Variants in TDP1 observed in about 807,000 individuals in gnomAD.
TDP1 encodes the protein tyr-DNA phosphodiesterase 1.
TDP1 carries 64 observed loss-of-function variants against 81.5 expected under a neutral mutation model. The observed-to-expected ratio is 0.79, with a 90% CI of 0.64 to 0.97. The LOEUF (loss-of-function observed/expected upper bound fraction) is 0.97, where lower values mean the gene tolerates loss of function less well. TDP1 is among the 50% of genes least tolerant of loss of function. The pLI is 0.00. For missense variants in TDP1, 723 were observed against 743.8 expected (o/e 0.97, Z 0.33); for synonymous variants, 256 against 264.3 (o/e 0.97, Z 0.30).
chr14:89,989,540 C>T, intron 11 of TDP1, 177 bp from the exon 12 acceptor site: 3 of 719,840 alleles, frequency 4.2e-6, no homozygotes, highest in Non-Finnish European at 5.1e-6. Flanking sequence ...AAATATGGTT[C>T]CTGTTGTTTA....
intron 14 of TDP1, among the ~76,000 whole-genome samples, chr14:90,007,854 C>T (rs1183463056): frequency 5.3e-5 from 8 of 152,176 alleles, no homozygotes; most frequent in Non-Finnish European, 8.8e-5. Context: ...ACCTCAGCCT[C>T]CCAAAATACT....
intron 14 of TDP1, among the ~76,000 whole-genome samples, chr14:90,001,764 T>C (rs1318873520): frequency 6.6e-6 from 1 of 152,238 alleles, no homozygotes; most frequent in Non-Finnish European, 1.5e-5. Context: ...AAACTTTTTC[T>C]AGCTCAGCAG....
At chr14:89,983,656 CTTGT>C (rs1895245463) in intron 8 of TDP1, among the ~76,000 whole-genome samples, 1 of 152,178 alleles carries the variant, frequency 6.6e-6, no homozygotes, top group Non-Finnish European at 1.5e-5. Flanking sequence ...GTGAGGCAGC[CTTGT>C]TAACCCCACT....
intron 15 of TDP1, among the ~76,000 whole-genome samples, chr14:90,020,563 CTCCCTCCCT>C (rs1260929117): frequency 5.5e-4 from 10 of 18,288 alleles, no homozygotes; most frequent in African/African-American, 3.0e-3. Context: ...CCTTCCCTCC[CTCCCTCCCT>C]TCCTTCCTTC....
intron 15 of TDP1, among the ~76,000 whole-genome samples, chr14:90,031,127 C>CT (rs879587539): frequency 4.0e-5 from 6 of 150,550 alleles, no homozygotes; most frequent in Admixed American, 4.0e-4. Flanking sequence ...TATTATTATA[C>CT]TTTAAGTTTT....
intron 14 of TDP1, among the ~76,000 whole-genome samples, chr14:90,016,980 G>A (rs867429203): frequency 2.5e-4 from 38 of 152,280 alleles, no homozygotes; most frequent in African/African-American, 8.9e-4. Flanking sequence ...CAGCACTTGG[G>A]AGAGAAAGCA....
intron 7 of TDP1, among the ~76,000 whole-genome samples, chr14:89,976,463 G>A (rs1045699014): frequency 2.1e-5 from 3 of 141,778 alleles, no homozygotes; most frequent in Admixed American, 1.4e-4. Context: ...TATTTCCTTT[G>A]GTCCATTCAC....
At chr14:89,988,538 T>C (rs1895823901) in intron 10 of TDP1, 1 of 949,114 alleles carries the variant, frequency 1.1e-6, no homozygotes. Flanking sequence ...TTTCATAGCA[T>C]CAAAGCTGCA....
intron 13 of TDP1, chr14:89,992,960 C>T (rs1026284489): frequency 4.0e-5 from 39 of 983,490 alleles, no homozygotes; most frequent in Non-Finnish European, 4.3e-5. Context: ...TGTATTTTGC[C>T]TTTTTTGTAT....
rs569991797 is a variant in TDP1 at position 89,997,555 on chromosome 14, A to G, written c.1541+4072A>G. 3.2e-4 allele frequency among the ~76,000 whole-genome samples: 49 copies of G among 152,332 alleles called. 1 individual carries two copies. Among genetic ancestry groups the G allele is most frequent in the African/African-American group, 4.3e-4 (18 of 41,564 alleles). ...ATGAACTTAAAAGTTTGGTGTACAT[A>G]TAGTATGTTTTGGAGTTTTGGTTAG... is the stretch of plus-strand genomic sequence containing the variant. On this transcript the variant is annotated intron_variant, in intron 14 of 16. Coordinates refer to ENST00000335725, the MANE Select transcript of TDP1 (RefSeq NM_018319.4).
At chr14:90,002,556 CATATAAAAT>C (rs1897272024) in intron 14 of TDP1, among the ~76,000 whole-genome samples, 1 of 152,026 alleles carries the variant, frequency 6.6e-6, no homozygotes, top group Non-Finnish European at 1.5e-5. Context: ...GTAACACATC[CATATAAAAT>C]ATATGACCTT....
chr14:89,988,068 G>A (rs1181899219), intron 10 of TDP1, among the ~76,000 whole-genome samples: 1 of 152,040 alleles, frequency 6.6e-6, no homozygotes. Flanking sequence ...GCTGAACTCA[G>A]GGAAACACTT....
rs185297590 is a variant in TDP1, at chr14:89,998,396, A to G, written c.1541+4913A>G. Among the ~76,000 whole-genome samples the G allele has an allele frequency of 3.8e-3, 433 of 112,724 alleles. 26 individuals are homozygous for G. Among genetic ancestry groups the G allele is most frequent in the African/African-American group, 0.02 (401 of 20,010 alleles). 74.0% of individuals were successfully genotyped at this position (112,724 alleles called of 152,430 possible). Reference sequence around the variant, plus strand: ...ATTATATATATATATATATATATATATATATATATATATATATATATATAT... The same window carrying G: ...ATTATATATATATATATATATATATGTATATATATATATATATATATATAT... On this transcript the variant is annotated intron_variant, in intron 14 of 16. Transcript: ENST00000335725.
rs563919160 is a variant in TDP1, at chr14:90,026,122, T to G, written c.1644+6704T>G. Reference sequence around the variant, plus strand: ...TCTCTTTTCTCTGTTCTGTTTAAATTTTTTCATTGTAAACATGGTGTGTAC... The same window carrying G: ...TCTCTTTTCTCTGTTCTGTTTAAATGTTTTCATTGTAAACATGGTGTGTAC... On this transcript the variant is annotated intron_variant, in intron 15 of 16. Transcript: ENST00000335725. Among the ~76,000 whole-genome samples the G allele has an allele frequency of 6.6e-4, 100 of 152,356 alleles. 1 individual carries two copies. Among genetic ancestry groups the G allele is most frequent in the African/African-American group, 1.6e-3 (68 of 41,586 alleles).
intron 13 of TDP1, among the ~76,000 whole-genome samples, chr14:89,992,247 T>A (rs1896275540): frequency 6.6e-6 from 1 of 152,184 alleles, no homozygotes; most frequent in African/African-American, 2.4e-5. Flanking sequence ...GAAGATCATG[T>A]TGGGTAGTTT....
At chr14:90,021,317 T>G (rs926239681) in intron 15 of TDP1, among the ~76,000 whole-genome samples, 2 of 152,214 alleles carry the variant, frequency 1.3e-5, no homozygotes, top group African/African-American at 4.8e-5. Flanking sequence ...TGGGAAACAA[T>G]GAAGTCACAT....
chr14:90,038,905 T>TTG, intron 16 of TDP1, among the ~76,000 whole-genome samples: 1 of 106,136 alleles, frequency 9.4e-6, no homozygotes, highest in African/African-American at 7.7e-5. Flanking sequence ...AGAAATGAAG[T>TTG]TTTTTTTTTT....
intron 15 of TDP1, among the ~76,000 whole-genome samples, chr14:90,020,234 G>C (rs1357912445): frequency 6.6e-6 from 1 of 152,090 alleles, no homozygotes; most frequent in Admixed American, 6.5e-5. Flanking sequence ...CTCACCATAA[G>C]AGGCACATGG....
intron 7 of TDP1, 166 bp from the exon 8 acceptor site, chr14:89,980,374 G>A: frequency 1.1e-6 from 1 of 935,432 alleles, no homozygotes; most frequent in African/African-American, 1.8e-5. Context: ...CACTTAGGCA[G>A]ACTTTCATCA....
Sources: gnomAD v4.1 joint callset for allele counts (sites outside exome capture counted in the v4.1 genomes callset) on GRCh38, gnomAD v4.1.1 for gene constraint, MANE v1.5 for transcripts, NCBI Gene and HGNC (gene_info 2026-07-23, HGNC 2026-07-21) for gene names.